Variants in CUX2 observed in about 807,000 individuals in gnomAD.
CUX2 encodes the protein homeobox protein cut-like 2.
In CUX2, 40 loss-of-function variants were observed where a neutral mutation model predicts 144.8. The observed-to-expected ratio is 0.28, with a 90% confidence interval of 0.21 to 0.36. The LOEUF (loss-of-function observed/expected upper bound fraction) is 0.36. Ranked by LOEUF, CUX2 falls within the 10% of genes least tolerant of loss-of-function variation. The pLI is 1.00. For missense variants in CUX2, 1,615 were observed against 1,994.0 expected (o/e 0.81, Z 3.62); for synonymous variants, 827 against 875.6 (o/e 0.94, Z 0.98).
intron 1 of CUX2, among the ~76,000 whole-genome samples, chr12:111,162,512 C>T (rs1877842358): frequency 6.6e-6 from 1 of 152,218 alleles, no homozygotes; most frequent in Non-Finnish European, 1.5e-5. Flanking sequence ...GCTTGAGCCA[C>T]CCTGTCCAGG....
chr12:111,123,167 T>C (rs1874798263), intron 1 of CUX2, among the ~76,000 whole-genome samples: 1 of 152,172 alleles, frequency 6.6e-6, no homozygotes, highest in African/African-American at 2.4e-5. Context: ...AGCTAATGCT[T>C]ACCCGGCATA....
At chr12:111,150,487 G>C (rs1876967822) in intron 1 of CUX2, among the ~76,000 whole-genome samples, 1 of 152,132 alleles carries the variant, frequency 6.6e-6, no homozygotes. Context: ...GGAGAAAGCT[G>C]GTTCTTTATT....
At chr12:111,253,157 T>C (rs1883650176) in intron 3 of CUX2, among the ~76,000 whole-genome samples, 1 of 151,996 alleles carries the variant, frequency 6.6e-6, no homozygotes, top group Non-Finnish European at 1.5e-5. Context: ...CTCAGTCCCT[T>C]CTCCGCACAA....
intron 16 of CUX2, among the ~76,000 whole-genome samples, chr12:111,315,582 G>A (rs1293598822): frequency 6.6e-6 from 1 of 152,138 alleles, no homozygotes; most frequent in Admixed American, 6.6e-5. Flanking sequence ...AGCCAGGCAT[G>A]GTAGTAGGAA....
intron 17 of CUX2, among the ~76,000 whole-genome samples, chr12:111,321,536 T>TA (rs970288913): frequency 6.0e-5 from 9 of 150,212 alleles, no homozygotes; most frequent in Middle Eastern, 3.2e-3. Context: ...CTCTACAAAA[T>TA]AAAAAAAATT....
intron 1 of CUX2, among the ~76,000 whole-genome samples, chr12:111,152,916 C>A (rs1056926708): frequency 6.6e-5 from 10 of 152,158 alleles, no homozygotes; most frequent in African/African-American, 2.2e-4. Context: ...GGAAACAGAA[C>A]CAAAGAGAGA....
chr12:111,171,059 G>C lies in CUX2; in HGVS notation c.64-43141G>C, dbSNP rs1878490102. 6.6e-6 allele frequency among the ~76,000 whole-genome samples: 1 copy of C among 152,178 alleles called. No individual in the cohort carries two copies. Among genetic ancestry groups the C allele is most frequent in the African/African-American group, 2.4e-5 (1 of 41,444 alleles). The stretch of plus-strand genomic sequence containing the variant: ...CTGGTTGCCCTGGTGATGCCTCTTG[G>C]GCTGTGACCCAGAGTGGCGTTGGCA... On this transcript the variant is annotated intron_variant, in intron 1 of 21. Transcript: ENST00000261726. The surrounding 1 kb of genome is among the most constrained non-coding windows in gnomAD (Gnocchi z 5.0).
intron 18 of CUX2, among the ~76,000 whole-genome samples, chr12:111,329,649 T>C (rs1175440757): frequency 6.6e-6 from 1 of 152,130 alleles, no homozygotes; most frequent in East Asian, 1.9e-4. Context: ...TGTTTGTTTG[T>C]TTTCGAGGTG....
intron 1 of CUX2, among the ~76,000 whole-genome samples, chr12:111,138,869 C>T (rs1566247648): frequency 6.6e-6 from 1 of 152,066 alleles, no homozygotes; most frequent in Non-Finnish European, 1.5e-5. Flanking sequence ...CCATTCACCC[C>T]ACACAGCTCC....
At chr12:111,192,876 T>A (rs1271517279) in intron 1 of CUX2, among the ~76,000 whole-genome samples, 1 of 152,264 alleles carries the variant, frequency 6.6e-6, no homozygotes, top group East Asian at 1.9e-4. Flanking sequence ...TTCCTATGGC[T>A]AATAGCGTGT....
At position 111,349,375 on chromosome 12, in the gene CUX2, C is replaced by T. The variant is rs1338938080; in HGVS notation, c.*1050C>T. ...ACCATCTTCCCCTCTTGGTGTTTTC[C>T]GAAAGTGACAGTGTTGGTCATCCCA... On this transcript the variant is annotated 3_prime_UTR_variant, in exon 22 of 22. Coordinates refer to ENST00000261726, the MANE Select transcript of CUX2 (RefSeq NM_015267.4). The T allele has an allele frequency of 1.3e-5, 2 of 152,140 alleles. No homozygotes were observed. Among genetic ancestry groups the T allele is most frequent in the African/African-American group, 2.4e-5 (1 of 41,402 alleles). 9.4% of individuals were successfully genotyped at this position (152,140 alleles called of 1,614,324 possible).
intron 4 of CUX2, among the ~76,000 whole-genome samples, chr12:111,280,047 G>T (rs1193925751): frequency 6.6e-6 from 1 of 152,180 alleles, no homozygotes; most frequent in Non-Finnish European, 1.5e-5. Context: ...ACTTTGGGAG[G>T]CTGAGGTGGA....
rs572076547 is a variant in CUX2, at chr12:111,217,508, C to T, written c.175-382C>T. Among the ~76,000 whole-genome samples, 7 of 152,246 alleles carry T rather than the reference C, an allele frequency of 4.6e-5. No individual in the cohort carries two copies. In the East Asian group the frequency reaches 1.4e-3, roughly 29 times the overall value. On this transcript the variant is annotated intron_variant, in intron 2 of 21. Transcript: ENST00000261726. ...GCTGAGCATGGAGAATTGGGGTTAC[C>T]TCTCCAGCCCCCACCCCACTCCAAA... is the stretch of plus-strand genomic sequence containing the variant.
intron 1 of CUX2, among the ~76,000 whole-genome samples, chr12:111,170,371 G>C (rs1363045404): frequency 6.6e-6 from 1 of 150,950 alleles, no homozygotes; most frequent in Non-Finnish European, 1.5e-5. Context: ...AGAGGTTGTG[G>C]TAAGCCAAGA....
chr12:111,049,780 G>C (rs1373973744), intron 1 of CUX2, among the ~76,000 whole-genome samples: 1 of 152,236 alleles, frequency 6.6e-6, no homozygotes. Context: ...TCCTGTAGCA[G>C]ATTGGAGCCC....
In CUX2 at chr12:111,338,157, T is replaced by C. The variant is rs952791325; in HGVS notation, c.3197-129T>C. ...GTGGGTCCTCCGCCGTCTCTGGCCC[T>C]CCCTTCGGAGTCAGTGGAGATAGCC... On this transcript the variant is annotated intron_variant, in intron 19 of 21. Transcript: ENST00000261726. 9 of 979,696 alleles carry C rather than the reference T, an allele frequency of 9.2e-6. No individual in the cohort carries two copies. In the African/African-American group the frequency reaches 1.3e-4, roughly 14 times the overall value. 60.7% of individuals were successfully genotyped at this position (979,696 alleles called of 1,614,324 possible).
At chr12:111,090,701 A>C (rs906828937) in intron 1 of CUX2, among the ~76,000 whole-genome samples, 8 of 152,148 alleles carry the variant, frequency 5.3e-5, no homozygotes, top group Non-Finnish European at 1.2e-4. Context: ...GTGAACTGCA[A>C]AAAATCCCAA....
chr12:111,035,363 C>T lies in CUX2; in HGVS notation c.63+1123C>T, dbSNP rs1430667607. On this transcript the variant is annotated intron_variant, in intron 1 of 21. Coordinates refer to ENST00000261726, the MANE Select transcript of CUX2 (RefSeq NM_015267.4). The surrounding 1 kb of genome is among the most constrained non-coding windows in gnomAD (Gnocchi z 6.0). The stretch of plus-strand genomic sequence containing the variant: ...TGTTCTCTGCGGACCCCGTAGGAGC[C>T]GGGGCTGGGAGGTGGAATCTCAGAG... Among the ~76,000 whole-genome samples, 4 of 152,146 alleles carry T rather than the reference C, an allele frequency of 2.6e-5. No homozygotes were observed. Among genetic ancestry groups the T allele is most frequent in the African/African-American group, 4.8e-5 (2 of 41,440 alleles).
chr12:111,064,738 CCTGGGTTTTATCCTGGCT>C lies in CUX2; in HGVS notation c.63+30502_63+30519del, dbSNP rs1870952327. On this transcript the variant is annotated intron_variant, in intron 1 of 21. Transcript: ENST00000261726. ...CCTAGAAGTGGGTTTCAACCCAAGG[CCTGGGTTTTATCCTGGCT>C]CTGCCTCATATTTGCTGTGAAATTG... Among the ~76,000 whole-genome samples, 5 of 152,304 alleles carry C rather than the reference CCTGGGTTTTATCCTGGCT, an allele frequency of 3.3e-5. No individual in the cohort carries two copies. The South Asian group carries it at 1.0e-3, about 32-fold the overall frequency.
Sources: allele counts gnomAD v4.1 joint callset (sites outside exome capture counted in the v4.1 genomes callset), GRCh38; gene constraint gnomAD v4.1.1; non-coding constraint Gnocchi (gnomAD v3.1); transcripts MANE v1.5; gene names NCBI Gene and HGNC (gene_info 2026-07-23, HGNC 2026-07-21).